Variants in WDR7 observed in about 807,000 individuals in gnomAD.
The protein encoded by WDR7 is WD repeat-containing protein 7.
In WDR7, 46 loss-of-function variants were observed where a neutral mutation model predicts 169.4. That is an observed-to-expected ratio of 0.27 (90% CI 0.21 to 0.35). The LOEUF is 0.35. WDR7 is among the 10% of genes least tolerant of loss of function. The pLI is 1.00. For missense variants in WDR7, 1,534 were observed against 1,859.3 expected (o/e 0.83, Z 3.22); for synonymous variants, 612 against 666.8 (o/e 0.92, Z 1.27).
chr18:56,770,128 C>T (rs7234644), intron 16 of WDR7, among the ~76,000 whole-genome samples: 5 of 152,094 alleles, frequency 3.3e-5, no homozygotes, highest in East Asian at 1.9e-4. Context: ...TCAATAACTA[C>T]GTGCTGAGGC....
intron 26 of WDR7, chr18:57,010,165 C>T: frequency 2.0e-6 from 2 of 985,336 alleles, no homozygotes; most frequent in Non-Finnish European, 2.4e-6. Flanking sequence ...TATAAGACTT[C>T]TAGCATGTGT....
At chr18:56,754,273 G>GTGTGTGTGTGTA (rs1290112967) in intron 14 of WDR7, among the ~76,000 whole-genome samples, 6 of 146,986 alleles carry the variant, frequency 4.1e-5, no homozygotes, top group African/African-American at 1.5e-4. Flanking sequence ...GTGTGTGTGT[G>GTGTGTGTGTGTA]TGTGTGTGTG....
intron 20 of WDR7, among the ~76,000 whole-genome samples, chr18:56,859,512 C>T (rs2045771957): frequency 6.6e-6 from 1 of 152,100 alleles, no homozygotes; most frequent in Non-Finnish European, 1.5e-5. Flanking sequence ...CTCTTGCTTG[C>T]TCTTAGTATT....
intron 14 of WDR7, among the ~76,000 whole-genome samples, chr18:56,743,716 A>T (rs1376101282): frequency 6.6e-6 from 1 of 152,182 alleles, no homozygotes; most frequent in African/African-American, 2.4e-5. Context: ...GTATGAGAAG[A>T]GAAGGAAAGA....
In WDR7 at chr18:56,694,641, C is replaced by T; in HGVS notation, c.989C>T (p.Thr330Ile). 1 of 1,610,252 alleles carries T rather than the reference C, an allele frequency of 6.2e-7. No individual in the cohort carries two copies. The highest frequency in any genetic ancestry group is 1.1e-5 in the South Asian group (1 of 89,932). Residue 330 changes from threonine (T) to isoleucine (I), a missense_variant, in exon 10 of 28, where the codon ACT (threonine) becomes ATT (isoleucine). Physicochemically the swap from Thr to Ile is moderately conservative, Grantham distance 89. Transcript: ENST00000254442. ...CAGTTGCTAATTTGTCCTCCTGTTA[C>T]TCGGTTCTTCTATGGATGCAGAGAA... Reference protein sequence around the residue: ...DKELLICPPVTRFFYGCREYF... With the variant: ...DKELLICPPVIRFFYGCREYF...
At chr18:56,897,124 C>T (rs1177687132) in intron 21 of WDR7, among the ~76,000 whole-genome samples, 2 of 151,806 alleles carry the variant, frequency 1.3e-5, no homozygotes, top group African/African-American at 2.4e-5. Flanking sequence ...ATTTTACCTT[C>T]CAGACTGAAA....
chr18:56,963,067 C>T (rs1169338032), intron 26 of WDR7, among the ~76,000 whole-genome samples: 1 of 152,122 alleles, frequency 6.6e-6, no homozygotes, highest in Non-Finnish European at 1.5e-5. Context: ...TAACACTTCA[C>T]TGTTTGTGAA....
intron 25 of WDR7, among the ~76,000 whole-genome samples, chr18:56,943,945 C>G (rs1310596506): frequency 2.0e-5 from 3 of 148,630 alleles, no homozygotes; most frequent in East Asian, 2.0e-4. Flanking sequence ...TTCACCTTCA[C>G]CAGTGGGCTT....
chr18:56,952,384 T>G (rs1599187005), intron 25 of WDR7, among the ~76,000 whole-genome samples: 1 of 152,236 alleles, frequency 6.6e-6, no homozygotes, highest in East Asian at 1.9e-4. Flanking sequence ...CAGCTACTTT[T>G]CTCGTGACTG....
At chr18:56,670,367 A>G in intron 1 of WDR7, among the ~76,000 whole-genome samples, 1 of 152,118 alleles carries the variant, frequency 6.6e-6, no homozygotes. Flanking sequence ...ATCTGTTTGC[A>G]TTCTCTTTAA....
At chr18:56,991,362 G>T (rs1377439929) in intron 26 of WDR7, among the ~76,000 whole-genome samples, 5 of 152,168 alleles carry the variant, frequency 3.3e-5, no homozygotes, top group Non-Finnish European at 7.4e-5. Context: ...AGCCAGGATG[G>T]TCTCGATCTT....
chr18:56,862,164 A>G (rs553082867), intron 20 of WDR7, among the ~76,000 whole-genome samples: 2 of 152,116 alleles, frequency 1.3e-5, no homozygotes, highest in South Asian at 4.1e-4. Context: ...GAACTACTTT[A>G]CTATCGTCCA....
At chr18:56,978,879 T>C (rs907503742) in intron 26 of WDR7, among the ~76,000 whole-genome samples, 1 of 152,210 alleles carries the variant, frequency 6.6e-6, no homozygotes, top group South Asian at 2.1e-4. Flanking sequence ...ACTCTGAGTT[T>C]ACGGAATAAA....
At chr18:57,015,236 CAA>C (rs1327625175) in intron 26 of WDR7, among the ~76,000 whole-genome samples, 9 of 152,154 alleles carry the variant, frequency 5.9e-5, no homozygotes, top group Non-Finnish European at 1.2e-4. Flanking sequence ...AGCCTATGCA[CAA>C]AGAGACTTGA....
chr18:56,753,032 G>A (rs2043820395), intron 14 of WDR7, among the ~76,000 whole-genome samples: 1 of 152,160 alleles, frequency 6.6e-6, no homozygotes, highest in Admixed American at 6.5e-5. Context: ...TATCTTGAAA[G>A]ATGTTTTGTG....
intron 20 of WDR7, chr18:56,874,046 G>A (rs2045988787): frequency 6.6e-6 from 1 of 152,222 alleles, no homozygotes; most frequent in South Asian, 2.1e-4. Context: ...ACATGGGGGA[G>A]GGGAGCTTGG....
chr18:56,903,262 T>TTA (rs2046428269), intron 21 of WDR7, among the ~76,000 whole-genome samples: 1 of 152,198 alleles, frequency 6.6e-6, no homozygotes, highest in Non-Finnish European at 1.5e-5. Flanking sequence ...ATTCCATGAA[T>TTA]GAAGTTGTAA....
At chr18:56,837,848 C>CG (rs1411521997) in intron 20 of WDR7, among the ~76,000 whole-genome samples, 1 of 151,916 alleles carries the variant, frequency 6.6e-6, no homozygotes, top group Non-Finnish European at 1.5e-5. Context: ...TTAGTAGAGA[C>CG]GGGGTTTCAC....
At chr18:56,966,326 TCTCC>T (rs1205315963) in intron 26 of WDR7, among the ~76,000 whole-genome samples, 1 of 151,912 alleles carries the variant, frequency 6.6e-6, no homozygotes, top group East Asian at 1.9e-4. Context: ...CTTCACCTCT[TCTCC>T]CTCTGCCACC....
Sources: gnomAD v4.1 joint callset for allele counts (sites outside exome capture counted in the v4.1 genomes callset) on GRCh38, gnomAD v4.1.1 for gene constraint, MANE v1.5 for transcripts, NCBI Gene and HGNC (gene_info 2026-07-23, HGNC 2026-07-21) for gene names.